The following BCOR variants were observed in gnomAD, a reference collection of about 807,000 sequenced individuals.
BCOR encodes the protein BCL-6 corepressor.
In BCOR, 10 loss-of-function variants were observed where a neutral mutation model predicts 86.7. That is an observed-to-expected ratio of 0.12 (90% CI 0.07 to 0.20). BCOR has a LOEUF of 0.20. Ranked by LOEUF, BCOR falls within the 10% of genes least tolerant of loss-of-function variation. BCOR has a pLI of 1.00. For synonymous variants in BCOR, 611 were observed against 609.0 expected, an observed-to-expected ratio of 1.00 and a Z score of -0.05; for missense variants, 1,259 against 1,452.1, an observed-to-expected ratio of 0.87 and a Z score of 2.16.
At chrX:40,085,671 T>TA (rs1291397914) in intron 1 of BCOR, among the ~76,000 whole-genome samples, 1 of 111,932 alleles carries the variant, frequency 8.9e-6, no homozygotes, top group African/African-American at 3.3e-5. Flanking sequence ...AAGTCAGCCC[T>TA]AAATGATCTT....
chrX:40,112,174 A>G (rs1477150804), intron 1 of BCOR, among the ~76,000 whole-genome samples: 1 of 110,972 alleles, frequency 9.0e-6, no homozygotes, highest in Non-Finnish European at 1.9e-5. Flanking sequence ...AACCGCTTTC[A>G]ATTTCTTTGT....
At chrX:40,116,198 T>C (rs1937390879) in intron 1 of BCOR, among the ~76,000 whole-genome samples, 1 of 112,129 alleles carries the variant, frequency 8.9e-6, no homozygotes, top group African/African-American at 3.2e-5. Flanking sequence ...TCATGTCATA[T>C]AGAAAACTGT....
chrX:40,133,396 G>C (rs1359047479), intron 1 of BCOR, among the ~76,000 whole-genome samples: 1 of 106,153 alleles, frequency 9.4e-6, no homozygotes, highest in Non-Finnish European at 1.9e-5. Context: ...TCGGCCTCCC[G>C]AAGTGCTGGG....
chrX:40,134,397 G>A (rs1937640717), intron 1 of BCOR, among the ~76,000 whole-genome samples: 1 of 111,960 alleles, frequency 8.9e-6, no homozygotes, highest in African/African-American at 3.2e-5. Flanking sequence ...GCTGAGGCGG[G>A]AGGATGGCTT....
chrX:40,063,597 C>A lies in BCOR; in HGVS notation c.3847+11G>T, dbSNP rs1277422862. 2 of 1,193,067 alleles carry A rather than the reference C, an allele frequency of 1.7e-6. No homozygotes were observed. The highest frequency in any genetic ancestry group is 2.3e-6 in the Non-Finnish European group (2 of 879,924). On this transcript the variant is annotated intron_variant, in intron 8 of 14. Coordinates refer to ENST00000378444, the MANE Select transcript of BCOR (RefSeq NM_001123385.2). The stretch of plus-strand genomic sequence containing the variant: ...AGCGGGGTGAACACTCAAGGGGTGG[C>A]CCCCGCATACCTTGTTCATTGTCAC...
intron 1 of BCOR, among the ~76,000 whole-genome samples, chrX:40,096,616 T>A (rs1569175561): frequency 9.1e-6 from 1 of 109,901 alleles, no homozygotes; most frequent in Non-Finnish European, 1.9e-5. Flanking sequence ...CGAGCTCGGC[T>A]CGGCCCGAGG....
At chrX:40,062,464 TC>T in intron 9 of BCOR, 71 bp from the exon 10 acceptor site, 1 of 1,134,895 alleles carries the variant, frequency 8.8e-7, no homozygotes, top group Non-Finnish European at 1.2e-6. Context: ...CCCCTCCTCC[TC>T]CCCACGTGAC....
At chrX:40,056,684 C>T (rs1297042063) in intron 11 of BCOR, among the ~76,000 whole-genome samples, 1 of 112,180 alleles carries the variant, frequency 8.9e-6, no homozygotes, top group East Asian at 2.8e-4. Flanking sequence ...CTGACTCAGA[C>T]CTGGGTCTCT....
intron 1 of BCOR, among the ~76,000 whole-genome samples, chrX:40,122,215 A>G (rs956038933): frequency 1.8e-5 from 2 of 111,374 alleles, no homozygotes; most frequent in Non-Finnish European, 3.8e-5. Context: ...GGGTACATGC[A>G]TCAGAGTCCC....
intron 1 of BCOR, among the ~76,000 whole-genome samples, chrX:40,089,722 T>C (rs1936513710): frequency 9.0e-6 from 1 of 111,699 alleles, no homozygotes; most frequent in South Asian, 3.7e-4. Flanking sequence ...TGCTGACTAC[T>C]GGTACTAGGA....
intron 1 of BCOR, among the ~76,000 whole-genome samples, chrX:40,159,878 T>C (rs1938375821): frequency 9.0e-6 from 1 of 110,715 alleles, no homozygotes; most frequent in Admixed American, 9.6e-5. Flanking sequence ...TAGGCAAATA[T>C]AAAAATGAGG....
At chrX:40,083,210 ACC>A (rs1936188555) in intron 1 of BCOR, among the ~76,000 whole-genome samples, 1 of 109,946 alleles carries the variant, frequency 9.1e-6, no homozygotes, top group African/African-American at 3.3e-5. Context: ...AGAGTAAGAT[ACC>A]CCAAGGCTGC....
intron 1 of BCOR, among the ~76,000 whole-genome samples, chrX:40,140,933 C>G (rs1041142944): frequency 8.9e-6 from 1 of 112,970 alleles, no homozygotes; most frequent in Non-Finnish European, 1.9e-5. Context: ...AGCTGCCAGC[C>G]AAGGAATTGG....
chrX:40,081,796 G>A (rs1384865021), intron 1 of BCOR, among the ~76,000 whole-genome samples: 1 of 112,466 alleles, frequency 8.9e-6, no homozygotes, highest in African/African-American at 3.2e-5. Context: ...GGATGGAGAG[G>A]AAAGACAGCT....
intron 11 of BCOR, 44 bp from the exon 12 acceptor site, chrX:40,055,557 C>T: frequency 8.3e-7 from 1 of 1,203,000 alleles, no homozygotes; most frequent in African/African-American, 1.7e-5. Context: ...GCAAGCCACA[C>T]TTGCTTATAA....
upstream of BCOR, among the ~76,000 whole-genome samples, chrX:40,100,724 G>GA (rs1166940943): frequency 3.3e-3 from 316 of 96,153 alleles, 1 homozygote; most frequent in African/African-American, 0.011. Context: ...AAAAGAAAAA[G>GA]AAAAAAAAAA....
intron 1 of BCOR, among the ~76,000 whole-genome samples, chrX:40,121,115 C>T (rs774137386): frequency 4.5e-5 from 5 of 110,694 alleles, no homozygotes; most frequent in East Asian, 2.8e-4. Flanking sequence ...AAAAGGGGGG[C>T]GGGGGTTGAT....
intron 1 of BCOR, among the ~76,000 whole-genome samples, chrX:40,080,080 G>GGCCGGGCGCGGTGGCTCAC (rs1936007080): frequency 1.2e-5 from 1 of 83,906 alleles, no homozygotes; most frequent in African/African-American, 8.5e-5. Context: ...GATGAGGGAA[G>GGCCGGGCGCGGTGGCTCAC]AAGCGTGTGC....
chrX:40,147,572 G>A, intron 1 of BCOR, among the ~76,000 whole-genome samples: 1 of 113,234 alleles, frequency 8.8e-6, no homozygotes, highest in Non-Finnish European at 1.9e-5. Context: ...GACCCAGGTT[G>A]CAGGAAGACC....
Sources: allele counts gnomAD v4.1 joint callset (sites outside exome capture counted in the v4.1 genomes callset), GRCh38; gene constraint gnomAD v4.1.1; transcripts MANE v1.5; gene names NCBI Gene and HGNC (gene_info 2026-07-23, HGNC 2026-07-21).